KDM4B: variants seen among roughly 807,000 people sequenced by gnomAD.
KDM4B encodes the protein lysine demethylase 4B.
A neutral mutation model predicts 125.2 loss-of-function variants in KDM4B; 32 were observed. That is an observed-to-expected ratio of 0.26 (90% confidence interval 0.19 to 0.34). The LOEUF is 0.34. Ranked by LOEUF, KDM4B falls within the 10% of genes least tolerant of loss-of-function variation. The pLI is 1.00. For missense variants in KDM4B, 1,190 were observed against 1,577.7 expected (o/e 0.75, Z 4.16); for synonymous variants, 721 against 677.9 (o/e 1.06, Z -0.99).
At chr19:5,009,685 G>A (rs1480964178) in intron 1 of KDM4B, among the ~76,000 whole-genome samples, 1 of 152,136 alleles carries the variant, frequency 6.6e-6, no homozygotes, top group Non-Finnish European at 1.5e-5. Context: ...ACCACAGAAT[G>A]CTCAGAAATT....
chr19:4,993,175 C>T (rs1413402619), intron 1 of KDM4B, among the ~76,000 whole-genome samples: 4 of 152,054 alleles, frequency 2.6e-5, no homozygotes, highest in Non-Finnish European at 5.9e-5. Context: ...TTTGGGAGGC[C>T]GAGGTGAGTG....
chr19:5,130,087 A>G (rs933673741), intron 11 of KDM4B, among the ~76,000 whole-genome samples: 4 of 151,838 alleles, frequency 2.6e-5, no homozygotes, highest in Admixed American at 6.5e-5. Flanking sequence ...CTCTCCCTTC[A>G]CAGGCACAGC....
At chr19:5,137,928 G>A in intron 17 of KDM4B, 34 bp from the exon 18 acceptor site, 1 of 1,559,242 alleles carries the variant, frequency 6.4e-7, no homozygotes, top group Non-Finnish European at 8.8e-7. Flanking sequence ...GGTCCTCAGA[G>A]GCGCACCTGA....
chr19:4,970,991 A>G (rs145256809), intron 1 of KDM4B, among the ~76,000 whole-genome samples: 2 of 152,172 alleles, frequency 1.3e-5, no homozygotes, highest in Non-Finnish European at 2.9e-5. Flanking sequence ...AAAGGGGGTA[A>G]CGGAGATTCT....
rs532089779 is a variant in KDM4B, at chr19:5,141,792, G to A, written c.2551-2175G>A. On this transcript the variant is annotated intron_variant, in intron 18 of 22. Coordinates refer to ENST00000159111, the MANE Select transcript of KDM4B (RefSeq NM_015015.3). This position sits in a 1 kb window ranked among gnomAD's most constrained non-coding sequence, Gnocchi z 6.4. Reference sequence around the variant, plus strand: ...AGCTTCTCACCTACCGGCTGGGCAGGTTCCTGGCAGCAGGCAAAAGCACCG... The same window carrying A: ...AGCTTCTCACCTACCGGCTGGGCAGATTCCTGGCAGCAGGCAAAAGCACCG... Among the ~76,000 whole-genome samples, 6 of 152,190 alleles carry A rather than the reference G, an allele frequency of 3.9e-5. No individual in the cohort carries two copies. The highest frequency in any genetic ancestry group is 1.4e-4 in the African/African-American group (6 of 41,452).
intron 2 of KDM4B, among the ~76,000 whole-genome samples, chr19:5,030,785 T>C (rs1029849698): frequency 6.6e-6 from 1 of 152,254 alleles, no homozygotes; most frequent in African/African-American, 2.4e-5. Flanking sequence ...TGTCATCATC[T>C]GTGATGCACA....
chr19:5,019,071 TGTGCAG>T (rs1484438566), intron 2 of KDM4B, among the ~76,000 whole-genome samples: 1 of 92,386 alleles, frequency 1.1e-5, no homozygotes, highest in Non-Finnish European at 2.6e-5. Flanking sequence ...TGGACGTTGG[TGTGCAG>T]GTGCTGGTGT....
intron 1 of KDM4B, among the ~76,000 whole-genome samples, chr19:4,994,297 C>T (rs934819051): frequency 5.3e-5 from 8 of 150,798 alleles, no homozygotes; most frequent in African/African-American, 9.7e-5. Context: ...CCTGGCTGGG[C>T]GCAGTGGCTC....
At chr19:4,977,893 C>T (rs2034503370) in intron 1 of KDM4B, among the ~76,000 whole-genome samples, 1 of 152,172 alleles carries the variant, frequency 6.6e-6, no homozygotes, top group African/African-American at 2.4e-5. Flanking sequence ...CCCTGGGATG[C>T]GAGCAGGACC....
intron 9 of KDM4B, among the ~76,000 whole-genome samples, chr19:5,094,951 T>C (rs1175545144): frequency 6.6e-6 from 1 of 151,950 alleles, no homozygotes; most frequent in Non-Finnish European, 1.5e-5. Context: ...GTGCAGCTGA[T>C]GCGTCCTGTG....
At chr19:4,988,598 A>T (rs950637149) in intron 1 of KDM4B, among the ~76,000 whole-genome samples, 2 of 152,102 alleles carry the variant, frequency 1.3e-5, no homozygotes, top group African/African-American at 4.8e-5. Flanking sequence ...TTTGAGCTTA[A>T]TTTGCTAATG....
chr19:5,070,531 G>T (rs545555380), intron 6 of KDM4B: 1 of 154,102 alleles, frequency 6.5e-6, no homozygotes, highest in East Asian at 1.9e-4. Context: ...CTTTTTCCCT[G>T]TTGGCTCCCA....
intron 21 of KDM4B, among the ~76,000 whole-genome samples, chr19:5,146,918 G>T (rs1474183787): frequency 1.5e-5 from 2 of 130,918 alleles, no homozygotes; most frequent in African/African-American, 5.9e-5. Context: ...TCCAGCTTGG[G>T]TGACACTGAG....
intron 10 of KDM4B, among the ~76,000 whole-genome samples, chr19:5,118,531 G>A (rs988817562): frequency 2.6e-5 from 4 of 152,096 alleles, no homozygotes; most frequent in Non-Finnish European, 5.9e-5. Context: ...AGGCACTAGT[G>A]ACCAGCCAGG....
At position 5,144,345 on chromosome 19, in the gene KDM4B, A is replaced by G; in HGVS notation, c.2834A>G (p.Gln945Arg). The change falls in exon 20 of 23, where the codon CAG becomes CGG. Residue 945 changes from glutamine to arginine, a missense_variant. Physicochemically the swap from Gln to Arg is conservative, Grantham distance 43. Around this residue, in one of 7 missense-constraint regions of KDM4B, gnomAD observed 298 missense variants for 439.7 expected, o/e 0.68. Coordinates refer to ENST00000159111, the MANE Select transcript of KDM4B (RefSeq NM_015015.3). ...TGTCGCGTCATCGGTGCCGCCTCGC[A>G]GACCTGCTACGAAGTGAACTTCGAC... Reference protein sequence around the residue: ...YRCRVIGAASQTCYEVNFDDG... With the variant: ...YRCRVIGAASRTCYEVNFDDG... The G allele has an allele frequency of 1.4e-6, 2 of 1,473,782 alleles. No homozygotes were observed. The highest frequency in any genetic ancestry group is 1.6e-5 in the African/African-American group (1 of 62,296). The allele number at this position is 1,473,782 out of a possible 1,614,324, so 91.3% of individuals were successfully genotyped here.
In KDM4B at chr19:5,034,730, C is replaced by T. The variant is rs558938496; in HGVS notation, c.141+1699C>T. ...CTTCGTCTCTCTCCTAGTGATCCTT[C>T]GGTATCAGACTCGCATTGTTATTTC... On this transcript the variant is annotated intron_variant, in intron 3 of 22. Transcript: ENST00000159111. Among the ~76,000 whole-genome samples, 13 of 152,312 alleles carry T rather than the reference C, an allele frequency of 8.5e-5. No homozygotes were observed. The South Asian group carries it at 2.3e-3, about 27-fold the overall frequency.
chr19:5,131,085 G>T lies in KDM4B; in HGVS notation c.1325G>T (p.Arg442Met), dbSNP rs755220416. 1 of 1,510,676 alleles carries T rather than the reference G, an allele frequency of 6.6e-7. No individual in the cohort carries two copies. Among genetic ancestry groups the T allele is most frequent in the Admixed American group, 2.2e-5 (1 of 44,694 alleles). 93.6% of individuals were successfully genotyped at this position (1,510,676 alleles called of 1,614,324 possible). A position where few individuals can be genotyped will look rare whatever the true frequency, so the allele number is the denominator to read the frequency against. ...REAEGAEEDG[R>M]GKLRPTKAKS... The stretch of plus-strand genomic sequence containing the variant: ...TCTCCTCTTCCCACAGAGGACGGGA[G>T]GGGCAAGCTGCGGCCAACCAAGGCC... Residue 442 changes from arginine to methionine, a missense_variant, in exon 12 of 23, where the codon AGG becomes ATG. Arg to Met is a moderately conservative substitution (Grantham distance 91). Around this residue, in one of 7 missense-constraint regions of KDM4B, gnomAD observed 428 missense variants for 405.1 expected, o/e 1.06. Coordinates refer to ENST00000159111, the MANE Select transcript of KDM4B (RefSeq NM_015015.3).
rs188220011 is a variant in KDM4B, at chr19:5,085,428, C to T, written c.918+2924C>T. Among the ~76,000 whole-genome samples the T allele has an allele frequency of 1.3e-4, 20 of 152,314 alleles. No individual in the cohort carries two copies. The East Asian group carries it at 3.3e-3, about 25-fold the overall frequency. ...AGATTGAGCTGTAAGCCCCAGGCCT[C>T]GGGCTTGTCCTGGAGGTGCTGTCGG... On this transcript the variant is annotated intron_variant, in intron 9 of 22. Coordinates refer to ENST00000159111, the MANE Select transcript of KDM4B (RefSeq NM_015015.3).
At chr19:4,993,236 C>G (rs1224395761) in intron 1 of KDM4B, among the ~76,000 whole-genome samples, 1 of 152,054 alleles carries the variant, frequency 6.6e-6, no homozygotes, top group Non-Finnish European at 1.5e-5. Flanking sequence ...AAGGCAAAAC[C>G]CTGTCTCTAC....
Sources: gnomAD v4.1 joint callset for allele counts (sites outside exome capture counted in the v4.1 genomes callset) on GRCh38, gnomAD v4.1.1 for gene constraint, gnomAD v4.1.1 regional missense constraint, Gnocchi (gnomAD v3.1) non-coding constraint, MANE v1.5 for transcripts, NCBI Gene and HGNC (gene_info 2026-07-23, HGNC 2026-07-21) for gene names.